CSMD1: variants seen among roughly 807,000 people sequenced by gnomAD.
The protein encoded by CSMD1 is CUB and sushi domain-containing protein 1.
A neutral mutation model predicts 417.5 loss-of-function variants in CSMD1; 213 were observed. The observed-to-expected ratio is 0.51, with a 90% confidence interval of 0.46 to 0.57. CSMD1 has a LOEUF of 0.57. Ranked by LOEUF, CSMD1 falls within the 20% of genes least tolerant of loss-of-function variation. The pLI is 0.00. For missense variants in CSMD1, 6,923 were observed against 4,529.7 expected (o/e 1.53, Z -15.17); for synonymous variants, 2,862 against 1,736.8 (o/e 1.65, Z -16.11).
chr8:4,162,381 G>A (rs529814121), intron 3 of CSMD1, among the ~76,000 whole-genome samples: 1 of 151,996 alleles, frequency 6.6e-6, no homozygotes, highest in Non-Finnish European at 1.5e-5. Context: ...ATGTTTTTTG[G>A]TTTTATCTTG....
At chr8:3,881,186 A>G (rs1288530444) in intron 5 of CSMD1, among the ~76,000 whole-genome samples, 1 of 152,064 alleles carries the variant, frequency 6.6e-6, no homozygotes, top group African/African-American at 2.4e-5. Flanking sequence ...AAAGATGGCA[A>G]TTCTCTACAA....
intron 50 of CSMD1, among the ~76,000 whole-genome samples, chr8:3,050,841 G>A (rs1293755565): frequency 1.3e-5 from 2 of 152,186 alleles, no homozygotes; most frequent in South Asian, 2.1e-4. Flanking sequence ...CCAAAATACT[G>A]TAGACAAAAA....
At chr8:3,141,197 T>C (rs1031267549) in intron 41 of CSMD1, among the ~76,000 whole-genome samples, 3 of 151,978 alleles carry the variant, frequency 2.0e-5, no homozygotes, top group Non-Finnish European at 4.4e-5. Context: ...GGGATGGGAG[T>C]ACAGGTGAAG....
At chr8:4,259,677 C>A (rs935779720) in intron 3 of CSMD1, among the ~76,000 whole-genome samples, 1 of 152,054 alleles carries the variant, frequency 6.6e-6, no homozygotes, top group African/African-American at 2.4e-5. Context: ...AGTACTGGGT[C>A]CTGAAATTTC....
At chr8:4,697,085 T>C (rs899827792) in intron 1 of CSMD1, among the ~76,000 whole-genome samples, 2 of 152,126 alleles carry the variant, frequency 1.3e-5, no homozygotes, top group Non-Finnish European at 1.5e-5. Context: ...CGCAGGAGAA[T>C]TGCTTGAACC....
intron 26 of CSMD1, among the ~76,000 whole-genome samples, chr8:3,280,484 C>G (rs755295156): frequency 1.4e-4 from 22 of 152,088 alleles, no homozygotes; most frequent in Non-Finnish European, 2.4e-4. Context: ...GACAATCTTG[C>G]AGAAAATCCT....
chr8:4,665,638 A>G (rs916041938), intron 1 of CSMD1, among the ~76,000 whole-genome samples: 3 of 152,166 alleles, frequency 2.0e-5, no homozygotes, highest in Admixed American at 6.5e-5. Context: ...GCAATGGCTT[A>G]TTCCACGTTA....
chr8:4,403,549 C>T (rs1308404340), intron 3 of CSMD1, among the ~76,000 whole-genome samples: 2 of 152,158 alleles, frequency 1.3e-5, no homozygotes, highest in Non-Finnish European at 1.5e-5. Context: ...GGGCTGATCA[C>T]CTCTTCCTTC....
chr8:4,905,077 A>G (rs994505432), intron 1 of CSMD1, among the ~76,000 whole-genome samples: 10 of 152,212 alleles, frequency 6.6e-5, no homozygotes, highest in Non-Finnish European at 4.4e-5. Context: ...CTCTGCCAGC[A>G]TAGGATCGTT....
intron 3 of CSMD1, among the ~76,000 whole-genome samples, chr8:4,329,134 G>A (rs1170157543): frequency 4.6e-5 from 7 of 152,118 alleles, no homozygotes; most frequent in Non-Finnish European, 1.0e-4. Context: ...TTCCAAACGT[G>A]TGTTATCTGT....
At chr8:4,905,066 T>A (rs1805150110) in intron 1 of CSMD1, among the ~76,000 whole-genome samples, 1 of 152,190 alleles carries the variant, frequency 6.6e-6, no homozygotes, top group Admixed American at 6.5e-5. Context: ...CTCAAACATT[T>A]CTCTGCCAGC....
chr8:3,688,085 GC>G, intron 7 of CSMD1, among the ~76,000 whole-genome samples: 1 of 152,306 alleles, frequency 6.6e-6, no homozygotes, highest in Middle Eastern at 3.4e-3. Context: ...AGTTCAGCAG[GC>G]TGGAAACAAT....
chr8:3,561,886 C>A (rs7817141), intron 10 of CSMD1, among the ~76,000 whole-genome samples: 122,286 of 152,146 alleles, frequency 0.8, 49,842 homozygotes, highest in Middle Eastern at 0.88. Context: ...CATTCACAGA[C>A]AGAGGAAGCC....
intron 5 of CSMD1, among the ~76,000 whole-genome samples, chr8:3,772,189 T>TATATATAC (rs1377304281): frequency 2.0e-5 from 2 of 100,922 alleles, no homozygotes; most frequent in Admixed American, 1.0e-4. Context: ...TATATATATA[T>TATATATAC]ACACACACAC....
At chr8:4,627,875 T>A (rs1316123903) in intron 2 of CSMD1, among the ~76,000 whole-genome samples, 1 of 152,150 alleles carries the variant, frequency 6.6e-6, no homozygotes, top group Non-Finnish European at 1.5e-5. Context: ...GCATTTCTGA[T>A]ACTGTATGGC....
chr8:3,792,010 C>CT (rs111480967), intron 5 of CSMD1, among the ~76,000 whole-genome samples: 35,596 of 151,892 alleles, frequency 0.23, 4,754 homozygotes, highest in Non-Finnish European at 0.3. Context: ...CTTTTGTTTA[C>CT]TTCTAATGTT....
intron 1 of CSMD1, among the ~76,000 whole-genome samples, chr8:4,961,694 T>C (rs528588738): frequency 4.6e-5 from 7 of 152,270 alleles, no homozygotes; most frequent in South Asian, 4.1e-4. Context: ...TTGTTTTTTT[T>C]CTGAAATGAT....
intron 3 of CSMD1, among the ~76,000 whole-genome samples, chr8:4,326,115 C>T (rs1043504302): frequency 2.0e-5 from 3 of 152,076 alleles, no homozygotes; most frequent in Non-Finnish European, 2.9e-5. Flanking sequence ...AGCTCAGGGC[C>T]CTACCGTCAG....
intron 2 of CSMD1, among the ~76,000 whole-genome samples, chr8:4,618,556 C>A (rs1293296079): frequency 6.6e-6 from 1 of 152,006 alleles, no homozygotes; most frequent in Non-Finnish European, 1.5e-5. Context: ...TTCTTCTTAT[C>A]GCCTACATAG....
Sources: allele counts gnomAD v4.1 joint callset (sites outside exome capture counted in the v4.1 genomes callset), GRCh38; gene constraint gnomAD v4.1.1; transcripts MANE v1.5; gene names NCBI Gene and HGNC (gene_info 2026-07-23, HGNC 2026-07-21).